Variants in ABHD13 observed in about 807,000 individuals in gnomAD.
The protein encoded by ABHD13 is protein ABHD13.
A neutral mutation model predicts 25.2 loss-of-function variants in ABHD13; 7 were observed. The ratio of observed to expected loss-of-function variants is 0.28; its 90% CI spans 0.16 to 0.52. ABHD13 has a LOEUF of 0.52. ABHD13 is among the 20% of genes least tolerant of loss of function. ABHD13 has a pLI of 0.96. For synonymous variants in ABHD13, 133 were observed against 136.1 expected, an observed-to-expected ratio of 0.98 and a Z score of 0.16; for missense variants, 302 against 402.7, an observed-to-expected ratio of 0.75 and a Z score of 2.14.
chr13:108,220,591 C>T (rs1414001764), intron 1 of ABHD13, among the ~76,000 whole-genome samples: 3 of 152,158 alleles, frequency 2.0e-5, no homozygotes, highest in African/African-American at 4.8e-5. Flanking sequence ...TATTTTTCCT[C>T]AAATGACAGA....
chr13:108,223,644 T>C (rs1308437524), intron 1 of ABHD13, among the ~76,000 whole-genome samples: 1 of 152,232 alleles, frequency 6.6e-6, no homozygotes, highest in Non-Finnish European at 1.5e-5. Flanking sequence ...ATTTTACCCA[T>C]CATTGCTTAT....
Position 108,229,725 on chromosome 13 carries a change from T to A in ABHD13, c.507T>A (p.Ser169=), listed in dbSNP as rs1250532825. The change falls in exon 2 of 2, where the codon TCT becomes TCA. Residue 169 remains serine (S), a synonymous_variant. Transcript: ENST00000375898. This position sits in a 1 kb window ranked among gnomAD's most constrained non-coding sequence, Gnocchi z 4.7. ...GTGAAGAAGGACTCTACTTAGATTC[T>A]GAAGCTGTGTTAGACTACGTGATGA... ...EASEEGLYLD[S]EAVLDYVMTR... is the part of the protein sequence containing the mutation. 1 of 1,613,368 alleles carries A rather than the reference T, an allele frequency of 6.2e-7. No homozygotes were observed. The highest frequency in any genetic ancestry group is 2.2e-5 in the East Asian group (1 of 44,868).
Position 108,229,523 on chromosome 13 carries a change from T to C in ABHD13, c.305T>C (p.Ile102Thr), listed in dbSNP as rs762302018. ...RTKDGIRLNL[I>T]LIRYTGDNSP... ...AAAGATGGAATACGTCTGAATCTTA[T>C]TTTGATACGATACACTGGAGACAAT... is the stretch of plus-strand genomic sequence containing the variant. The change falls in exon 2 of 2, where the codon ATT (isoleucine) becomes ACT (threonine). Residue 102 changes from isoleucine to threonine, a missense_variant. Coordinates refer to ENST00000375898, the MANE Select transcript of ABHD13 (RefSeq NM_032859.3). The surrounding 1 kb of genome is among the most constrained non-coding windows in gnomAD (Gnocchi z 4.7). The C allele has an allele frequency of 4.5e-5, 72 of 1,613,424 alleles. No individual in the cohort carries two copies. The highest frequency in any genetic ancestry group is 5.9e-5 in the Non-Finnish European group (70 of 1,179,632).
rs150623586 is a variant in ABHD13 at position 108,232,471 on chromosome 13, G to A, written c.*2239G>A. 1 of 166,920 alleles carries A rather than the reference G, an allele frequency of 6.0e-6. No individual in the cohort carries two copies. The highest frequency in any genetic ancestry group is 2.4e-5 in the African/African-American group (1 of 41,508). 10.3% of individuals were successfully genotyped at this position (166,920 alleles called of 1,614,324 possible). Reference sequence around the variant, plus strand: ...GGTGGAAAACAAACTTAGTATCAGGGGTCCATGAAGCCCATGGCATCATTT... The same window carrying A: ...GGTGGAAAACAAACTTAGTATCAGGAGTCCATGAAGCCCATGGCATCATTT... On this transcript the variant is annotated 3_prime_UTR_variant, in exon 2 of 2. Coordinates refer to ENST00000375898, the MANE Select transcript of ABHD13 (RefSeq NM_032859.3).
chr13:108,227,931 A>G (rs1168705938), intron 1 of ABHD13, among the ~76,000 whole-genome samples: 1 of 152,066 alleles, frequency 6.6e-6, no homozygotes. Context: ...TAATAATTCA[A>G]ATGTAAAAGT....
rs1044080081 is a variant in ABHD13 at position 108,230,066 on chromosome 13, C to G, written c.848C>G (p.Ser283Cys). 3.7e-6 allele frequency: 6 copies of G among 1,613,070 alleles called. No individual in the cohort carries two copies. The African/African-American group carries it at 5.3e-5, about 14-fold the overall frequency. The change falls in exon 2 of 2, where the codon TCC becomes TGC. Residue 283 changes from serine to cysteine, a missense_variant. By Grantham distance (112) the Ser-to-Cys change is moderately radical (BLOSUM62 -1). Coordinates refer to ENST00000375898, the MANE Select transcript of ABHD13 (RefSeq NM_032859.3). The part of the protein sequence containing the change: ...PVMMKQLYEL[S>C]PSRTKRLAIF... ...ATGATGAAACAACTTTATGAACTCTCCCCATCTCGGACTAAGAGATTAGCC... is the reference window on the plus strand; with the variant it reads ...ATGATGAAACAACTTTATGAACTCTGCCCATCTCGGACTAAGAGATTAGCC...
At chr13:108,228,005 T>TAATC (rs1180002695) in intron 1 of ABHD13, among the ~76,000 whole-genome samples, 2 of 152,190 alleles carry the variant, frequency 1.3e-5, no homozygotes, top group Non-Finnish European at 2.9e-5. Context: ...ATTATTTGTA[T>TAATC]AATCAATCTA....
intron 1 of ABHD13, among the ~76,000 whole-genome samples, chr13:108,224,613 A>G (rs943649521): frequency 1.3e-5 from 2 of 152,234 alleles, no homozygotes; most frequent in Admixed American, 1.3e-4. Context: ...GCCATCACTC[A>G]TGCCCTTAGC....
intron 1 of ABHD13, among the ~76,000 whole-genome samples, chr13:108,222,971 C>T (rs373149076): frequency 3.8e-4 from 58 of 152,328 alleles, no homozygotes; most frequent in African/African-American, 1.1e-3. Context: ...TGTGGGTACT[C>T]GTTGGTACGA....
chr13:108,222,979 C>A (rs952422935), intron 1 of ABHD13, among the ~76,000 whole-genome samples: 1 of 152,178 alleles, frequency 6.6e-6, no homozygotes, highest in Non-Finnish European at 1.5e-5. Context: ...CTCGTTGGTA[C>A]GACTCCATCA....
chr13:108,227,348 G>T (rs1424196114), intron 1 of ABHD13, among the ~76,000 whole-genome samples: 1 of 151,948 alleles, frequency 6.6e-6, no homozygotes, highest in Non-Finnish European at 1.5e-5. Flanking sequence ...TATATAAAGT[G>T]CTGTACTAGA....
rs1334229057 is a variant in ABHD13 at position 108,230,259 on chromosome 13, T to C, written c.*27T>C. 3 of 1,500,484 alleles carry C rather than the reference T, an allele frequency of 2.0e-6. No homozygotes were observed. Among genetic ancestry groups the C allele is most frequent in the South Asian group, 1.3e-5 (1 of 76,850 alleles). 92.9% of individuals were successfully genotyped at this position (1,500,484 alleles called of 1,614,324 possible). On this transcript the variant is annotated 3_prime_UTR_variant, in exon 2 of 2. Coordinates refer to ENST00000375898, the MANE Select transcript of ABHD13 (RefSeq NM_032859.3). ...GTTTCCCTTTTTGATTATTGCATTG[T>C]ATTTTAATTTGTGCAGAATGATAAA...
intron 1 of ABHD13, among the ~76,000 whole-genome samples, chr13:108,219,245 A>G (rs555069361): frequency 6.6e-6 from 1 of 152,188 alleles, no homozygotes; most frequent in Non-Finnish European, 1.5e-5. Flanking sequence ...AAAGCACCCC[A>G]TACAATCGAA....
Position 108,230,143 on chromosome 13 carries a change from A to C in ABHD13, c.925A>C (p.Thr309Pro), listed in dbSNP as rs767499909. 1 of 1,613,010 alleles carries C rather than the reference A, an allele frequency of 6.2e-7. No homozygotes were observed. Among genetic ancestry groups the C allele is most frequent in the Non-Finnish European group, 8.5e-7 (1 of 1,179,284 alleles). Residue 309 changes from threonine (T) to proline (P), a missense_variant, in exon 2 of 2, where the codon ACT becomes CCT. Transcript: ENST00000375898. ...NDTWQCQGYF[T>P]ALEQFIKEVV... The stretch of plus-strand genomic sequence containing the variant: ...CACATGGCAGTGCCAAGGCTATTTC[A>C]CTGCACTTGAACAGTTCATCAAAGA...
At chr13:108,221,986 C>T (rs748546193) in intron 1 of ABHD13, among the ~76,000 whole-genome samples, 3 of 152,092 alleles carry the variant, frequency 2.0e-5, no homozygotes, top group Non-Finnish European at 2.9e-5. Flanking sequence ...TACAGGCACG[C>T]GCCACCATGC....
intron 1 of ABHD13, among the ~76,000 whole-genome samples, chr13:108,227,472 A>G (rs1409841592): frequency 6.6e-6 from 1 of 152,148 alleles, no homozygotes; most frequent in Non-Finnish European, 1.5e-5. Flanking sequence ...TAACTTTTCA[A>G]AGTTCATTAG....
chr13:108,233,686 T>C lies in ABHD13; in HGVS notation c.*3454T>C, dbSNP rs1879858624. 1 of 166,548 alleles carries C rather than the reference T, an allele frequency of 6.0e-6. No individual in the cohort carries two copies. Among genetic ancestry groups the C allele is most frequent in the Non-Finnish European group, 1.5e-5 (1 of 67,932 alleles). The allele number at this position is 166,548 out of a possible 1,614,324, so 10.3% of individuals were successfully genotyped here. A position where few individuals can be genotyped will look rare whatever the true frequency, so the allele number is the denominator to read the frequency against. On this transcript the variant is annotated 3_prime_UTR_variant, in exon 2 of 2. Coordinates refer to ENST00000375898, the MANE Select transcript of ABHD13 (RefSeq NM_032859.3). ...TAGGGTAGAAAATGAAATGTACTTC[T>C]GTTTATTCTTAATACTATATATATA... is the stretch of plus-strand genomic sequence containing the variant.
At chr13:108,219,968 C>T (rs1879520586) in intron 1 of ABHD13, among the ~76,000 whole-genome samples, 2 of 152,152 alleles carry the variant, frequency 1.3e-5, no homozygotes, top group South Asian at 4.1e-4. Context: ...TCTAGTTGTC[C>T]TTACTTTCAC....
chr13:108,228,176 C>T (rs986181948), intron 1 of ABHD13, among the ~76,000 whole-genome samples: 2 of 151,096 alleles, frequency 1.3e-5, no homozygotes, highest in African/African-American at 4.9e-5. Context: ...CTTTTGATAA[C>T]AAAAAATTCT....
Sources: allele counts gnomAD v4.1 joint callset (sites outside exome capture counted in the v4.1 genomes callset), GRCh38; gene constraint gnomAD v4.1.1; non-coding constraint Gnocchi (gnomAD v3.1); transcripts MANE v1.5; gene names NCBI Gene and HGNC (gene_info 2026-07-23, HGNC 2026-07-21).